CHD1L: variants seen among roughly 807,000 people sequenced by gnomAD.
CHD1L encodes the protein ATP-dependent chromatin remodeler CHD1L.
CHD1L carries 118 observed loss-of-function variants against 115.9 expected under a neutral mutation model. The ratio of observed to expected loss-of-function variants is 1.02; its 90% CI spans 0.88 to 1.19. The LOEUF is 1.19. Ranked by LOEUF, CHD1L falls within the 50% of genes most tolerant of loss-of-function variation. The probability of loss-of-function intolerance (pLI) is 0.00; values close to 1 mark genes in which losing one functional copy is unlikely to be tolerated. For missense variants in CHD1L, 1,179 were observed against 1,065.3 expected, an observed-to-expected ratio of 1.11 and a Z score of -1.49; for synonymous variants, 411 against 387.1, an observed-to-expected ratio of 1.06 and a Z score of -0.72.
At chr1:147,188,298 G>A in the CHD1L span, among the ~76,000 whole-genome samples, 3 of 151,958 alleles carry the variant, frequency 2.0e-5, no homozygotes, top group Middle Eastern at 3.4e-3. Context: ...CGAGGCAGGC[G>A]GATCACTTTG....
chr1:147,271,112 G>A, intron 11 of CHD1L, 107 bp downstream of exon 11: 1 of 996,676 alleles, frequency 1.0e-6, no homozygotes, highest in African/African-American at 1.6e-5. Flanking sequence ...AAGGAAAGCA[G>A]GGTGAGAACA....
At chr1:147,172,933 T>A in the CHD1L span, 1 of 152,264 alleles carries the variant, frequency 6.6e-6, no homozygotes, top group East Asian at 1.9e-4. Context: ...GAGAGGTGGG[T>A]TCCTTATAGG....
At chr1:147,262,607 C>G (rs1419279693) in intron 6 of CHD1L, among the ~76,000 whole-genome samples, 4 of 152,000 alleles carry the variant, frequency 2.6e-5, no homozygotes, top group Admixed American at 2.0e-4. Context: ...TGATTGGAAA[C>G]ATTACTTTTG....
chr1:147,225,267 G>T, the CHD1L span: 1 of 1,109,972 alleles, frequency 9.0e-7, no homozygotes, highest in Non-Finnish European at 1.2e-6. Flanking sequence ...AGAGTGCTCT[G>T]CTGCGGTACC....
At chr1:147,176,087 A>G in the CHD1L span, 1 of 152,178 alleles carries the variant, frequency 6.6e-6, no homozygotes, top group Non-Finnish European at 1.5e-5. Flanking sequence ...GTAAATTTTT[A>G]TTGTATGAAA....
chr1:147,250,033 A>G (rs1553935632), intron 1 of CHD1L, among the ~76,000 whole-genome samples: 2 of 151,944 alleles, frequency 1.3e-5, no homozygotes, highest in African/African-American at 4.8e-5. Context: ...TATTTTGGTT[A>G]TATTATTTTT....
chr1:147,293,441 A>G (rs12726206), intron 20 of CHD1L, among the ~76,000 whole-genome samples, 167 bp from the exon 21 acceptor site: 127,021 of 152,198 alleles, frequency 0.83, 53,773 homozygotes, highest in East Asian at 1. Flanking sequence ...ATGACGGGAT[A>G]TGAAGTCATA....
At chr1:147,292,912 C>A (rs1255224676) in intron 20 of CHD1L, among the ~76,000 whole-genome samples, 3 of 152,200 alleles carry the variant, frequency 2.0e-5, no homozygotes, top group African/African-American at 7.2e-5. Context: ...TGGAGGGGGA[C>A]ACACATCCAA....
At chr1:147,230,664 T>A in the CHD1L span, among the ~76,000 whole-genome samples, 1 of 141,724 alleles carries the variant, frequency 7.1e-6, no homozygotes, top group Non-Finnish European at 1.5e-5. Context: ...TGGTAAGCTA[T>A]TAATTATTGC....
chr1:147,201,934 A>G, the CHD1L span, among the ~76,000 whole-genome samples: 1 of 152,224 alleles, frequency 6.6e-6, no homozygotes. Context: ...TCCAAACTGT[A>G]TGATAAATTA....
chr1:147,283,596 G>A (rs756933392), intron 15 of CHD1L, among the ~76,000 whole-genome samples: 4 of 152,098 alleles, frequency 2.6e-5, no homozygotes, highest in Non-Finnish European at 4.4e-5. Flanking sequence ...AATCAGACAC[G>A]ATTATAGTTG....
chr1:147,213,712 G>C, the CHD1L span, among the ~76,000 whole-genome samples: 1 of 152,164 alleles, frequency 6.6e-6, no homozygotes, highest in Non-Finnish European at 1.5e-5. Flanking sequence ...CTAGAAAAGT[G>C]CAAGTCACCA....
intron 5 of CHD1L, among the ~76,000 whole-genome samples, chr1:147,258,504 C>T: frequency 6.6e-6 from 1 of 152,212 alleles, no homozygotes; most frequent in East Asian, 1.9e-4. Context: ...TGTGCAACTT[C>T]AACTGGACCT....
At chr1:147,266,197 A>G in intron 8 of CHD1L, 110 bp downstream of exon 8, 5 of 1,044,300 alleles carry the variant, frequency 4.8e-6, no homozygotes, top group Admixed American at 2.6e-5. Context: ...ATGGGATGGA[A>G]TTTTGTATTC....
chr1:147,279,625 T>A (rs1468185469), intron 14 of CHD1L, among the ~76,000 whole-genome samples: 22 of 152,068 alleles, frequency 1.4e-4, no homozygotes, highest in Non-Finnish European at 8.8e-5. Context: ...TTCTAAGGAG[T>A]CTGGCAGTGG....
the CHD1L span, chr1:147,224,904 C>A: frequency 6.2e-7 from 1 of 1,613,932 alleles, no homozygotes; most frequent in African/African-American, 1.3e-5. Flanking sequence ...CCTGGAACCT[C>A]CAGAGCCCTC....
rs782554675 is a variant in CHD1L at position 147,286,436 on chromosome 1, C to T, written c.2157C>T (p.Tyr719=). ...YQDPDATSLK[Y]VSGDVTHPQA... ...ACCCAGATGCTACTTCCCTCAAGTA[C>T]GTTAGTGGTGATGTCACCCACCCTC... Residue 719 remains tyrosine, a synonymous_variant, in exon 18 of 23, where the codon TAC becomes TAT. Coordinates refer to ENST00000369258, the MANE Select transcript of CHD1L (RefSeq NM_004284.6). 3.2e-5 allele frequency: 52 copies of T among 1,614,090 alleles called. No individual in the cohort carries two copies. The highest frequency in any genetic ancestry group is 5.3e-5 in the African/African-American group (4 of 75,028).
the CHD1L span, chr1:147,203,313 T>C: frequency 6.3e-7 from 1 of 1,595,732 alleles, no homozygotes; most frequent in East Asian, 2.2e-5. Flanking sequence ...TCTTCCCACT[T>C]GGAGGCTTGG....
Position 147,295,672 on chromosome 1 carries a change from G to C in CHD1L, c.*163G>C. 1.7e-6 allele frequency: 1 copy of C among 594,534 alleles called. No homozygotes were observed. The highest frequency in any genetic ancestry group is 2.9e-6 in the Non-Finnish European group (1 of 348,848). 36.8% of individuals were successfully genotyped at this position (594,534 alleles called of 1,614,324 possible). On this transcript the variant is annotated 3_prime_UTR_variant, in exon 23 of 23. Transcript: ENST00000369258. ...CTCCTGGATGTTTTGCTCTGTTTTG[G>C]TACCTGTAATATAGGGAAACACAAC...
Sources: allele counts gnomAD v4.1 joint callset (sites outside exome capture counted in the v4.1 genomes callset), GRCh38; gene constraint gnomAD v4.1.1; transcripts MANE v1.5; gene names NCBI Gene and HGNC (gene_info 2026-07-23, HGNC 2026-07-21).